Variants in ITGAM observed in about 807,000 individuals in gnomAD.
ITGAM encodes the protein integrin alpha-M.
In ITGAM, 79 loss-of-function variants were observed where a neutral mutation model predicts 137.5. That is an observed-to-expected ratio of 0.57 (90% CI 0.48 to 0.69). ITGAM has a LOEUF of 0.69. Ranked by LOEUF, ITGAM falls within the 30% of genes least tolerant of loss-of-function variation. The pLI, the probability that ITGAM is intolerant of heterozygous loss-of-function variation, is 0.00. For missense variants in ITGAM, 1,343 were observed against 1,483.5 expected, an observed-to-expected ratio of 0.91 and a Z score of 1.56; for synonymous variants, 583 against 592.3, an observed-to-expected ratio of 0.98 and a Z score of 0.23.
intron 7 of ITGAM, among the ~76,000 whole-genome samples, chr16:31,272,899 G>T (rs1458831520): frequency 6.6e-6 from 1 of 152,010 alleles, no homozygotes; most frequent in Non-Finnish European, 1.5e-5. Flanking sequence ...CAGGTCTCGG[G>T]GCAGTTGCAT....
chr16:31,302,664 A>C (rs2080219454), intron 14 of ITGAM, among the ~76,000 whole-genome samples: 1 of 151,140 alleles, frequency 6.6e-6, no homozygotes, highest in Non-Finnish European at 1.5e-5. Context: ...CCTGCCGAGT[A>C]GCTGAGATGA....
intron 14 of ITGAM, among the ~76,000 whole-genome samples, chr16:31,314,518 T>G (rs1016030031): frequency 8.5e-5 from 13 of 152,166 alleles, no homozygotes; most frequent in Admixed American, 2.0e-4. Context: ...TTTGTCAGGT[T>G]TGTTGAAGAT....
At chr16:31,268,742 C>T (rs902684046) in intron 5 of ITGAM, among the ~76,000 whole-genome samples, 30 of 152,158 alleles carry the variant, frequency 2.0e-4, no homozygotes, top group African/African-American at 6.5e-4. Flanking sequence ...TTGATGCCAC[C>T]GCTGTGTCTC....
chr16:31,279,055 A>G (rs984715428), intron 12 of ITGAM, among the ~76,000 whole-genome samples: 7 of 152,308 alleles, frequency 4.6e-5, no homozygotes, highest in African/African-American at 1.2e-4. Context: ...TGTCCCTACA[A>G]AGGACATGAA....
At chr16:31,294,323 T>G (rs1208325105) in intron 12 of ITGAM, among the ~76,000 whole-genome samples, 1 of 152,140 alleles carries the variant, frequency 6.6e-6, no homozygotes, top group East Asian at 1.9e-4. Context: ...GTGCTGGCTT[T>G]CAAGGGGAAT....
chr16:31,294,957 C>A (rs975106243), intron 12 of ITGAM, among the ~76,000 whole-genome samples: 19 of 152,096 alleles, frequency 1.2e-4, no homozygotes, highest in Admixed American at 9.2e-4. Flanking sequence ...CCAGTTCTCC[C>A]CACACCATTT....
chr16:31,299,808 TCCTCCTCCC>T (rs886448906), intron 14 of ITGAM, among the ~76,000 whole-genome samples: 1 of 116,496 alleles, frequency 8.6e-6, no homozygotes, highest in African/African-American at 3.4e-5. Flanking sequence ...CTCCTCTTCC[TCCTCCTCCC>T]CCTCCTCCCC....
At chr16:31,264,970 C>A (rs2079747199) in intron 2 of ITGAM, among the ~76,000 whole-genome samples, 1 of 152,108 alleles carries the variant, frequency 6.6e-6, no homozygotes, top group Admixed American at 6.6e-5. Context: ...TGGGTTCAAG[C>A]AATTCTCTTG....
Position 31,271,000 on chromosome 16 carries a change from TG to T in ITGAM, c.476del (p.Gly159ValfsTer11). On this transcript the variant is annotated frameshift_variant, in exon 6 of 30. Coordinates refer to ENST00000544665, the MANE Select transcript of ITGAM (RefSeq NM_000632.4). LOFTEE classifies it high-confidence loss of function. Reference sequence around the variant, plus strand: ...ACATTGCCTTCTTGATTGATGGCTCTGGTAGCATCATCCCACATGACTTTCG... The same window carrying T: ...ACATTGCCTTCTTGATTGATGGCTCTGTAGCATCATCCCACATGACTTTCG... The part of the protein sequence containing the change: ...SDIAFLIDGS[G>X]SIIPHDFRRM... 2 of 1,592,990 alleles carry T rather than the reference TG, an allele frequency of 1.3e-6. No homozygotes were observed. The highest frequency in any genetic ancestry group is 8.6e-7 in the Non-Finnish European group (1 of 1,167,354).
intron 14 of ITGAM, among the ~76,000 whole-genome samples, chr16:31,298,807 G>C (rs567821321): frequency 8.3e-4 from 125 of 151,350 alleles, no homozygotes; most frequent in African/African-American, 2.9e-3. Flanking sequence ...TTTCAACAAG[G>C]GGTCCTACGT....
chr16:31,282,057 A>G (rs1476436165), intron 12 of ITGAM, among the ~76,000 whole-genome samples: 14 of 152,118 alleles, frequency 9.2e-5, no homozygotes, highest in African/African-American at 1.4e-4. Flanking sequence ...CCTGAGTTCT[A>G]GTTTGATTGC....
At chr16:31,326,776 C>A in intron 21 of ITGAM, 80 bp from the exon 22 acceptor site, 1 of 954,826 alleles carries the variant, frequency 1.0e-6, no homozygotes, top group Non-Finnish European at 1.7e-6. Flanking sequence ...TATTTCATGT[C>A]TCCATTAATC....
Position 31,325,290 on chromosome 16 carries a change from C to T in ITGAM, c.2391C>T (p.Pro797=), listed in dbSNP as rs767756665. The T allele has an allele frequency of 1.2e-6, 2 of 1,613,424 alleles. No individual in the cohort carries two copies. The highest frequency in any genetic ancestry group is 2.2e-5 in the East Asian group (1 of 44,900). ...MSLDCLVVGG[P]REFNVTVTVR... Reference sequence around the variant, plus strand: ...TGGACTGCCTCGTGGTGGGTGGGCCCCGGGAGTTCAACGTGACAGTGACTG... The same window carrying T: ...TGGACTGCCTCGTGGTGGGTGGGCCTCGGGAGTTCAACGTGACAGTGACTG... Residue 797 remains proline, a synonymous_variant, in exon 20 of 30, where the codon CCC becomes CCT. Transcript: ENST00000544665.
rs759368651 is a variant in ITGAM at position 31,266,049 on chromosome 16, A to G, written c.329A>G (p.His110Arg). The change falls in exon 5 of 30, where the codon CAC becomes CGC. Residue 110 changes from histidine (H) to arginine (R), a missense_variant. Transcript: ENST00000544665. ...CCCTAGGCCTGTGGTCCCACCGTGC[A>G]CCAGACTTGCAGTGAGAACACGTAT... ...PQLLACGPTV[H>R]QTCSENTYVK... 6.2e-7 allele frequency: 1 copy of G among 1,613,826 alleles called. No individual in the cohort carries two copies. The highest frequency in any genetic ancestry group is 8.5e-7 in the Non-Finnish European group (1 of 1,179,850).
At chr16:31,302,223 C>T (rs1454783148) in intron 14 of ITGAM, among the ~76,000 whole-genome samples, 1 of 152,110 alleles carries the variant, frequency 6.6e-6, no homozygotes, top group East Asian at 1.9e-4. Context: ...ATCTGTTGTG[C>T]AATAGCAGGC....
At position 31,297,821 on chromosome 16, in the gene ITGAM, C is replaced by A; in HGVS notation, c.1574C>A (p.Thr525Lys). Reference protein sequence around the residue: ...QPWGRFGAALTVLGDVNGDKL... With the variant: ...QPWGRFGAALKVLGDVNGDKL... ...TGGGGCCGCTTTGGGGCAGCCCTAACAGTGCTGGGGGACGTAAATGGGGAC... is the reference window on the plus strand; with the variant it reads ...TGGGGCCGCTTTGGGGCAGCCCTAAAAGTGCTGGGGGACGTAAATGGGGAC... Residue 525 changes from threonine to lysine, a missense_variant, in exon 14 of 30, where the codon ACA becomes AAA. Transcript: ENST00000544665. The A allele has an allele frequency of 6.2e-7, 1 of 1,613,026 alleles. No homozygotes were observed. Among genetic ancestry groups the A allele is most frequent in the East Asian group, 2.2e-5 (1 of 44,858 alleles).
At chr16:31,317,154 T>A (rs2080401480) in intron 14 of ITGAM, among the ~76,000 whole-genome samples, 1 of 152,188 alleles carries the variant, frequency 6.6e-6, no homozygotes, top group African/African-American at 2.4e-5. Flanking sequence ...AAGTGGTGAG[T>A]GTGGGCATCC....
At chr16:31,284,963 C>T (rs542854544) in intron 12 of ITGAM, among the ~76,000 whole-genome samples, 4 of 152,140 alleles carry the variant, frequency 2.6e-5, no homozygotes, top group East Asian at 3.9e-4. Context: ...CCTCAGACAC[C>T]GAGTTAAAGA....
At chr16:31,273,595 T>C in intron 8 of ITGAM, 77 bp downstream of exon 8, 1 of 1,425,368 alleles carries the variant, frequency 7.0e-7, no homozygotes, top group Non-Finnish European at 9.7e-7. Context: ...AATTTGCAAA[T>C]ATTATTAAAA....
Sources: gnomAD v4.1 joint callset for allele counts (sites outside exome capture counted in the v4.1 genomes callset) on GRCh38, gnomAD v4.1.1 for gene constraint, MANE v1.5 for transcripts, NCBI Gene and HGNC (gene_info 2026-07-23, HGNC 2026-07-21) for gene names.